Variants in PXDNL observed in about 807,000 individuals in gnomAD.
PXDNL encodes probable oxidoreductase PXDNL.
Under a neutral mutation model 150.8 loss-of-function variants are expected in PXDNL, and 145 were observed. That is an observed-to-expected ratio of 0.96 (90% CI 0.84 to 1.10). The LOEUF (loss-of-function observed/expected upper bound fraction) is 1.10. Ranked by LOEUF, PXDNL falls within the 50% of genes least tolerant of loss-of-function variation. The pLI, the probability that PXDNL is intolerant of heterozygous loss-of-function variation, is 0.00. For missense variants in PXDNL, 2,087 were observed against 1,873.9 expected (o/e 1.11, Z -2.10); for synonymous variants, 757 against 725.7 (o/e 1.04, Z -0.69).
At chr8:51,775,553 T>C (rs1254042838) in intron 1 of PXDNL, among the ~76,000 whole-genome samples, 1 of 152,186 alleles carries the variant, frequency 6.6e-6, no homozygotes, top group Non-Finnish European at 1.5e-5. Context: ...CATTTATTAG[T>C]TCCCCAAATT....
intron 17 of PXDNL, among the ~76,000 whole-genome samples, chr8:51,398,269 CTCGAGGCTGCCA>C (rs1808145504): frequency 6.6e-6 from 1 of 152,210 alleles, no homozygotes; most frequent in Admixed American, 6.5e-5. Flanking sequence ...TGCAGCTGCA[CTCGAGGCTGCCA>C]TCCCAGTTCC....
intron 1 of PXDNL, among the ~76,000 whole-genome samples, chr8:51,766,277 A>G (rs1249460676): frequency 6.6e-6 from 1 of 152,192 alleles, no homozygotes; most frequent in Non-Finnish European, 1.5e-5. Context: ...ACTCTTCTAT[A>G]TTACTATTGT....
At chr8:51,383,414 C>T (rs933518752) in intron 17 of PXDNL, among the ~76,000 whole-genome samples, 6 of 152,150 alleles carry the variant, frequency 3.9e-5, no homozygotes, top group Admixed American at 3.9e-4. Context: ...GAGATGGCAT[C>T]CGAGGGCATT....
intron 2 of PXDNL, among the ~76,000 whole-genome samples, chr8:51,597,007 A>G (rs1455707192): frequency 3.3e-5 from 5 of 152,150 alleles, no homozygotes; most frequent in Admixed American, 6.5e-5. Flanking sequence ...GGTATTTCGT[A>G]GGTTTTCTTC....
chr8:51,463,695 G>A (rs1427406551), intron 8 of PXDNL, among the ~76,000 whole-genome samples: 1 of 152,110 alleles, frequency 6.6e-6, no homozygotes, highest in African/African-American at 2.4e-5. Flanking sequence ...AGATGACCAT[G>A]TACTTAGCCA....
chr8:51,374,950 A>G (rs1563380452), intron 17 of PXDNL, among the ~76,000 whole-genome samples: 1 of 152,210 alleles, frequency 6.6e-6, no homozygotes, highest in Non-Finnish European at 1.5e-5. Context: ...AACCAAGGAC[A>G]TATGACACCA....
intron 19 of PXDNL, among the ~76,000 whole-genome samples, chr8:51,362,965 G>A (rs918313999): frequency 3.3e-5 from 5 of 152,122 alleles, no homozygotes; most frequent in African/African-American, 7.2e-5. Flanking sequence ...GTGAGCTTAC[G>A]GTTTGGTTTT....
At chr8:51,534,985 C>T (rs1429777684) in intron 4 of PXDNL, among the ~76,000 whole-genome samples, 1 of 116,136 alleles carries the variant, frequency 8.6e-6, no homozygotes, top group South Asian at 2.8e-4. Context: ...CAGCCCCCCG[C>T]CCGGCCAGCC....
chr8:51,722,577 A>C (rs1412476557), intron 1 of PXDNL, among the ~76,000 whole-genome samples: 1 of 152,192 alleles, frequency 6.6e-6, no homozygotes, highest in Non-Finnish European at 1.5e-5. Context: ...GGTGGCTCTC[A>C]GAGGGATGGA....
At chr8:51,728,973 A>G (rs1188110406) in intron 1 of PXDNL, among the ~76,000 whole-genome samples, 1 of 152,148 alleles carries the variant, frequency 6.6e-6, no homozygotes, top group Non-Finnish European at 1.5e-5. Flanking sequence ...TTTGCCTTTT[A>G]TATGGTATTT....
At chr8:51,348,582 T>C (rs903709284) in intron 19 of PXDNL, among the ~76,000 whole-genome samples, 8 of 152,318 alleles carry the variant, frequency 5.3e-5, no homozygotes, top group South Asian at 4.1e-4. Flanking sequence ...AAATGCAATG[T>C]TAGTATAGTA....
chr8:51,655,302 T>C (rs1221787121), intron 1 of PXDNL, among the ~76,000 whole-genome samples: 1 of 152,240 alleles, frequency 6.6e-6, no homozygotes, highest in African/African-American at 2.4e-5. Context: ...TTCTCTTTCA[T>C]GAGTCCACAT....
intron 1 of PXDNL, among the ~76,000 whole-genome samples, chr8:51,779,531 G>A (rs1358496094): frequency 6.6e-6 from 1 of 152,206 alleles, no homozygotes; most frequent in Non-Finnish European, 1.5e-5. Context: ...CTGAGAACTG[G>A]CCCATTACCT....
intron 17 of PXDNL, among the ~76,000 whole-genome samples, chr8:51,401,587 CT>C (rs1412352024): frequency 2.0e-5 from 3 of 152,140 alleles, no homozygotes; most frequent in African/African-American, 7.2e-5. Flanking sequence ...CTGGGGGCTG[CT>C]TTTTGGCCAA....
At position 51,320,879 on chromosome 8, in the gene PXDNL, G is replaced by A. The variant is rs368422364; in HGVS notation, c.4165C>T (p.Arg1389Cys). 2.5e-5 allele frequency: 41 copies of A among 1,613,310 alleles called. No homozygotes were observed. The highest frequency in any genetic ancestry group is 2.0e-4 in the African/African-American group (15 of 74,890). Residue 1389 changes from arginine (R) to cysteine (C), a missense_variant, in exon 22 of 23, where the codon CGC becomes TGC. Coordinates refer to ENST00000356297, the MANE Select transcript of PXDNL (RefSeq NM_144651.5). ...TCTGTACACCCTGCCTGCCTCAGGC[G>A]TGCCTCCAGCTTGTTTATCTGAAAG... is the stretch of plus-strand genomic sequence containing the variant. ...LREQINKLEA[R>C]LRQAGCTDVR...
intron 12 of PXDNL, among the ~76,000 whole-genome samples, chr8:51,441,111 T>C (rs1437284212): frequency 6.6e-6 from 1 of 152,196 alleles, no homozygotes; most frequent in Non-Finnish European, 1.5e-5. Flanking sequence ...CATACTGTTC[T>C]AGTAATATTG....
At chr8:51,571,156 A>G (rs971441578) in intron 3 of PXDNL, among the ~76,000 whole-genome samples, 1 of 151,864 alleles carries the variant, frequency 6.6e-6, no homozygotes, top group Non-Finnish European at 1.5e-5. Context: ...AACATGTACA[A>G]ACATTCTAAA....
At chr8:51,629,886 C>T (rs1814454977) in intron 2 of PXDNL, among the ~76,000 whole-genome samples, 1 of 152,040 alleles carries the variant, frequency 6.6e-6, no homozygotes, top group Non-Finnish European at 1.5e-5. Context: ...AGATTCAATG[C>T]TATTCGTAGC....
chr8:51,743,908 A>AAAGGAAGG (rs61300692), intron 1 of PXDNL, among the ~76,000 whole-genome samples: 3,450 of 66,906 alleles, frequency 0.052, 492 homozygotes, highest in African/African-American at 0.14. Context: ...GCTGAGAGAG[A>AAAGGAAGG]AAGGAAGGAA....
Sources: allele counts gnomAD v4.1 joint callset (sites outside exome capture counted in the v4.1 genomes callset), GRCh38; gene constraint gnomAD v4.1.1; transcripts MANE v1.5; gene names NCBI Gene and HGNC (gene_info 2026-07-23, HGNC 2026-07-21).